The following DLC1 variants were observed in gnomAD, a reference collection of about 807,000 sequenced individuals.
DLC1 encodes the protein DLC1 Rho GTPase activating protein.
A neutral mutation model predicts 140.3 loss-of-function variants in DLC1; 54 were observed. The ratio of observed to expected loss-of-function variants is 0.38; its 90% CI spans 0.31 to 0.48. The LOEUF (loss-of-function observed/expected upper bound fraction) is 0.48, where lower values mean the gene tolerates loss of function less well. Among genes scored for constraint, DLC1 ranks in the 20% least tolerant of loss-of-function variants. The probability of loss-of-function intolerance (pLI) is 0.96; values close to 1 mark genes in which losing one functional copy is unlikely to be tolerated. For synonymous variants in DLC1, 986 were observed against 728.1 expected, an observed-to-expected ratio of 1.35 and a Z score of -5.70; for missense variants, 2,536 against 1,907.0, an observed-to-expected ratio of 1.33 and a Z score of -6.14.
intron 2 of DLC1, among the ~76,000 whole-genome samples, chr8:13,496,793 T>C (rs1342659248): frequency 1.5e-4 from 1 of 6,528 alleles, no homozygotes; most frequent in Non-Finnish European, 1.3e-3. Flanking sequence ...TTCCTTTTTT[T>C]TTTTTTTTTT....
At chr8:13,465,157 C>T (rs947225126) in intron 2 of DLC1, among the ~76,000 whole-genome samples, 28 of 152,228 alleles carry the variant, frequency 1.8e-4, no homozygotes, top group African/African-American at 6.7e-4. Flanking sequence ...TGTCCGTGGT[C>T]TTTTGGATTA....
At chr8:13,345,715 G>A (rs1020948032) in intron 4 of DLC1, among the ~76,000 whole-genome samples, 16 of 151,596 alleles carry the variant, frequency 1.1e-4, no homozygotes, top group African/African-American at 3.9e-4. Flanking sequence ...CTGCCACCAC[G>A]CCTGGCTCAT....
chr8:13,318,386 A>G, intron 4 of DLC1, among the ~76,000 whole-genome samples: 1 of 152,122 alleles, frequency 6.6e-6, no homozygotes, highest in Non-Finnish European at 1.5e-5. Flanking sequence ...ATATTATTCT[A>G]TGTATGAGGA....
intron 5 of DLC1, among the ~76,000 whole-genome samples, chr8:13,201,138 GA>G (rs5889426): frequency 0.11 from 16,294 of 143,886 alleles, 1,723 homozygotes; most frequent in East Asian, 0.32. Flanking sequence ...AGGAAACAAG[GA>G]AAAAAAAAAA....
intron 1 of DLC1, among the ~76,000 whole-genome samples, chr8:13,574,149 G>T (rs528568466): frequency 1.3e-5 from 2 of 152,236 alleles, no homozygotes; most frequent in South Asian, 4.2e-4. Context: ...CTCTCCAGGG[G>T]TTGCATTTCC....
chr8:13,218,958 G>GTATATAACTATATAAT (rs1828369507), intron 5 of DLC1, among the ~76,000 whole-genome samples: 2 of 31,692 alleles, frequency 6.3e-5, no homozygotes, highest in African/African-American at 2.1e-4. Flanking sequence ...AATTATATAC[G>GTATATAACTATATAAT]TATATAATTA....
intron 5 of DLC1, chr8:13,116,050 C>T: frequency 1.2e-6 from 1 of 811,442 alleles, no homozygotes; most frequent in South Asian, 5.4e-5. Flanking sequence ...CAAAAGGCCA[C>T]AAAGTACCTC....
In DLC1 at chr8:13,140,650, ATCTGCC is replaced by A. The variant is rs550753962; in HGVS notation, c.1349-24999_1349-24994del. Among the ~76,000 whole-genome samples the A allele has an allele frequency of 3.3e-5, 5 of 152,140 alleles. No individual in the cohort carries two copies. The South Asian group carries it at 1.0e-3, about 32-fold the overall frequency. On this transcript the variant is annotated intron_variant, in intron 5 of 17. Transcript: ENST00000276297. ...ATACAAATATTTTTACTAGTATGTCATCTGCCTTTCAAGCTTATTAATTTATGATAA... is the reference window on the plus strand; with the variant it reads ...ATACAAATATTTTTACTAGTATGTCATTTCAAGCTTATTAATTTATGATAA...
At chr8:13,361,757 A>G (rs1671423) in intron 4 of DLC1, among the ~76,000 whole-genome samples, 75,854 of 152,054 alleles carry the variant, frequency 0.5, 19,984 homozygotes, top group East Asian at 0.81. Context: ...TTAGGGTAAG[A>G]AAAAGTAGAA....
At chr8:13,175,129 A>G (rs1252886187) in intron 5 of DLC1, among the ~76,000 whole-genome samples, 1 of 152,070 alleles carries the variant, frequency 6.6e-6, no homozygotes, top group East Asian at 1.9e-4. Context: ...CCCTATCCCA[A>G]TTGCTTGCTT....
chr8:13,436,277 G>T (rs1262457091), intron 2 of DLC1, among the ~76,000 whole-genome samples: 3 of 152,170 alleles, frequency 2.0e-5, no homozygotes, highest in African/African-American at 7.2e-5. Flanking sequence ...TTGCTGTGTA[G>T]AGATAAATTG....
At chr8:13,148,817 G>T (rs1823612146) in intron 5 of DLC1, among the ~76,000 whole-genome samples, 1 of 151,992 alleles carries the variant, frequency 6.6e-6, no homozygotes, top group Admixed American at 6.6e-5. Flanking sequence ...TTATGAGATG[G>T]AGTCTTGCTC....
intron 5 of DLC1, among the ~76,000 whole-genome samples, chr8:13,283,156 T>C (rs984248580): frequency 6.6e-6 from 1 of 152,212 alleles, no homozygotes; most frequent in Non-Finnish European, 1.5e-5. Flanking sequence ...ACTTGTTGAT[T>C]ATACTTTTTT....
chr8:13,233,740 T>A (rs1047384647), intron 5 of DLC1, among the ~76,000 whole-genome samples: 19 of 152,230 alleles, frequency 1.2e-4, no homozygotes, highest in Non-Finnish European at 2.6e-4. Context: ...GGATATTTTG[T>A]CAACACAATG....
intron 1 of DLC1, among the ~76,000 whole-genome samples, chr8:13,555,530 T>C (rs1171487357): frequency 6.6e-6 from 1 of 151,990 alleles, no homozygotes; most frequent in Admixed American, 6.6e-5. Context: ...CTCACTCTGT[T>C]GCCCAGGCTG....
intron 5 of DLC1, among the ~76,000 whole-genome samples, chr8:13,195,600 A>G (rs1025675758): frequency 5.9e-5 from 9 of 152,214 alleles, no homozygotes; most frequent in African/African-American, 2.2e-4. Flanking sequence ...AAGAAGGAGA[A>G]CTAAATTTGT....
At chr8:13,557,935 C>T (rs1170645233) in intron 1 of DLC1, 1 of 152,100 alleles carries the variant, frequency 6.6e-6, no homozygotes, top group East Asian at 1.9e-4. Flanking sequence ...GTCTAAAGAA[C>T]AAGGAGAAGG....
At chr8:13,479,884 AAAGAAAAAGAAAGAAAG>A (rs1800635037) in intron 2 of DLC1, among the ~76,000 whole-genome samples, 1 of 145,268 alleles carries the variant, frequency 6.9e-6, no homozygotes, top group Non-Finnish European at 1.6e-5. Context: ...AGAAAGAAAG[AAAGAAAAAGAAAGAAAG>A]AAGAAAAGTA....
At chr8:13,133,319 T>C (rs1822286152) in intron 5 of DLC1, 2 of 1,184,240 alleles carry the variant, frequency 1.7e-6, no homozygotes, top group Non-Finnish European at 2.1e-6. Flanking sequence ...AGCCGGGCCC[T>C]CCCGCTGGGC....
Sources: allele counts gnomAD v4.1 joint callset (sites outside exome capture counted in the v4.1 genomes callset), GRCh38; gene constraint gnomAD v4.1.1; transcripts MANE v1.5; gene names NCBI Gene and HGNC (gene_info 2026-07-23, HGNC 2026-07-21).